Variants in NEBL observed in about 807,000 individuals in gnomAD.
NEBL encodes nebulette.
Under a neutral mutation model 140.2 loss-of-function variants are expected in NEBL, and 122 were observed. The observed-to-expected ratio is 0.87, with a 90% confidence interval of 0.75 to 1.01. The LOEUF (loss-of-function observed/expected upper bound fraction) is 1.01, where lower values mean the gene tolerates loss of function less well. Ranked by LOEUF, NEBL falls within the 50% of genes least tolerant of loss-of-function variation. The pLI, the probability that NEBL is intolerant of heterozygous loss-of-function variation, is 0.00. For synonymous variants in NEBL, 436 were observed against 398.9 expected (o/e 1.09, Z -1.11); for missense variants, 1,365 against 1,231.3 (o/e 1.11, Z -1.62).
rs936437154 is a variant in NEBL, at chr10:20,784,550, G to C, written c.*1197C>G. The C allele has an allele frequency of 6.6e-6, 1 of 152,118 alleles. No homozygotes were observed. Among genetic ancestry groups the C allele is most frequent in the African/African-American group, 2.4e-5 (1 of 41,420 alleles). 9.4% of individuals were successfully genotyped at this position (152,118 alleles called of 1,614,324 possible). ...TTTGATTAACCCGTTTTGGTGGCTA[G>C]ATTTCCATTCCAGAATTTGAATACC... On this transcript the variant is annotated 3_prime_UTR_variant, in exon 28 of 28. Transcript: ENST00000377122.
rs1589324103 is a variant in NEBL at position 21,194,480 on chromosome 10, T to G, written n.349-22003A>C. The stretch of plus-strand genomic sequence containing the variant: ...GAACTAATTACTAATTTTTATGACC[T>G]CAAGTTCAATAACTGATCACCTTTA... On this transcript the variant is annotated intron_variant and non_coding_transcript_variant, in intron 3 of 8. Coordinates refer to the NEBL transcript ENST00000675702. Among the ~76,000 whole-genome samples the G allele has an allele frequency of 2.0e-5, 3 of 152,192 alleles. No individual in the cohort carries two copies. The East Asian group carries it at 5.8e-4, about 29-fold the overall frequency.
At chr10:20,878,593 C>A (rs2131302072) in intron 5 of NEBL, among the ~76,000 whole-genome samples, 1 of 152,264 alleles carries the variant, frequency 6.6e-6, no homozygotes, top group East Asian at 1.9e-4. Flanking sequence ...GTAGGGACAA[C>A]AAATGTATTA....
At chr10:21,178,744 C>T (rs1171647291), upstream of NEBL, among the ~76,000 whole-genome samples, 1 of 152,140 alleles carries the variant, frequency 6.6e-6, no homozygotes, top group East Asian at 1.9e-4. Flanking sequence ...AAATAAGTCC[C>T]AAACTTCCAA....
chr10:21,089,755 T>C (rs1050757574), intron 2 of NEBL, among the ~76,000 whole-genome samples: 1 of 152,108 alleles, frequency 6.6e-6, no homozygotes, highest in Non-Finnish European at 1.5e-5. Context: ...CTTTTCTCCC[T>C]CCTTCCCCTG....
chr10:21,193,121 C>G (rs1204133907), intron 3 of NEBL, among the ~76,000 whole-genome samples: 2 of 151,916 alleles, frequency 1.3e-5, no homozygotes, highest in African/African-American at 4.8e-5. Context: ...CCAATGCTCC[C>G]AGGATGTAGC....
chr10:21,065,809 C>G (rs1233807355), intron 2 of NEBL, among the ~76,000 whole-genome samples: 2 of 152,174 alleles, frequency 1.3e-5, no homozygotes, highest in Non-Finnish European at 2.9e-5. Context: ...CCTATCACTC[C>G]ATCTGGCACA....
At chr10:21,190,157 G>C (rs543762899) in intron 3 of NEBL, among the ~76,000 whole-genome samples, 53 of 152,262 alleles carry the variant, frequency 3.5e-4, no homozygotes, top group African/African-American at 1.2e-3. Context: ...TCAATATGTG[G>C]TTATTAATTG....
chr10:20,823,122 G>T, intron 19 of NEBL, 86 bp downstream of exon 19: 1 of 974,832 alleles, frequency 1.0e-6, no homozygotes, highest in Non-Finnish European at 1.6e-6. Flanking sequence ...TCATTGTGAT[G>T]GCATTTGACC....
chr10:21,210,549 G>C (rs1045579850), intron 3 of NEBL, among the ~76,000 whole-genome samples: 1 of 152,154 alleles, frequency 6.6e-6, no homozygotes, highest in Non-Finnish European at 1.5e-5. Flanking sequence ...TTTTTAAGGA[G>C]GAATATGTAT....
rs577395880 is a variant in NEBL at position 21,041,513 on chromosome 10, CT to C, written c.165-21313del. Among the ~76,000 whole-genome samples the C allele has an allele frequency of 1.1e-4, 17 of 152,184 alleles. 1 individual carries two copies. The East Asian group carries it at 2.3e-3, about 21-fold the overall frequency. ...GAGTTTTGACCTGAGAGAGAAATTGCTTTTACTAAAAACAAGCAATAACAGA... is the reference window on the plus strand; with the variant it reads ...GAGTTTTGACCTGAGAGAGAAATTGCTTTACTAAAAACAAGCAATAACAGA... On this transcript the variant is annotated intron_variant, in intron 2 of 6. Coordinates refer to the NEBL transcript ENST00000417816.
chr10:21,047,767 T>C (rs1834586386), intron 2 of NEBL, among the ~76,000 whole-genome samples: 1 of 152,180 alleles, frequency 6.6e-6, no homozygotes, highest in Non-Finnish European at 1.5e-5. Flanking sequence ...TTTGACCAAA[T>C]CACTTCATCT....
chr10:20,813,286 T>C (rs1838356449), intron 23 of NEBL, among the ~76,000 whole-genome samples: 1 of 151,890 alleles, frequency 6.6e-6, no homozygotes, highest in Admixed American at 6.6e-5. Context: ...ATTTCCTATC[T>C]CTTCAACTTC....
chr10:21,194,585 C>A (rs747273055), intron 3 of NEBL, among the ~76,000 whole-genome samples: 4 of 151,992 alleles, frequency 2.6e-5, no homozygotes, highest in Non-Finnish European at 4.4e-5. Context: ...GGAAGGGCAC[C>A]TTTTTCTAAG....
At chr10:20,815,301 AT>A (rs1838615234) in intron 22 of NEBL, among the ~76,000 whole-genome samples, 1 of 152,182 alleles carries the variant, frequency 6.6e-6, no homozygotes, top group Admixed American at 6.5e-5. Context: ...GAAAATGACA[AT>A]TATTTAACGC....
rs551980542 is a variant in NEBL, at chr10:20,920,292, T to A, written c.357+41380A>T. Among the ~76,000 whole-genome samples, 165 of 152,300 alleles carry A rather than the reference T, an allele frequency of 1.1e-3. 2 individuals carry two copies. Among genetic ancestry groups the A allele is most frequent in the African/African-American group, 3.9e-3 (161 of 41,568 alleles). ...CTTTTTAACCCATCAGTCACTCTTA[T>A]AACAACCAACCCTCAGGGGTACTGG... On this transcript the variant is annotated intron_variant, in intron 4 of 6. Transcript: ENST00000417816.
rs184982640 is a variant in NEBL at position 21,278,040 on chromosome 10, G to A, written n.182+14790C>T. 1.7e-3 allele frequency among the ~76,000 whole-genome samples: 258 copies of A among 152,334 alleles called. 2 individuals carry two copies. The highest frequency in any genetic ancestry group is 3.1e-3 in the Non-Finnish European group (208 of 68,026). Reference sequence around the variant, plus strand: ...AGTAAGTGCTCAGTAAATTTTAGCTGCTACTATTACTACTAACAACATGTG... The same window carrying A: ...AGTAAGTGCTCAGTAAATTTTAGCTACTACTATTACTACTAACAACATGTG... On this transcript the variant is annotated intron_variant and non_coding_transcript_variant, in intron 1 of 8. Transcript: ENST00000675702.
intron 1 of NEBL, among the ~76,000 whole-genome samples, chr10:21,291,278 G>C (rs1158652967): frequency 6.6e-6 from 1 of 152,012 alleles, no homozygotes; most frequent in Non-Finnish European, 1.5e-5. Context: ...GGCCAAGGCA[G>C]GCAGATCACT....
rs1473442670 is a variant in NEBL at position 21,038,221 on chromosome 10, T to G, written c.165-18020A>C. Among the ~76,000 whole-genome samples, 3 of 152,198 alleles carry G rather than the reference T, an allele frequency of 2.0e-5. No homozygotes were observed. The East Asian group carries it at 5.8e-4, about 29-fold the overall frequency. ...TCCATATATTTTTTTTATTTTAAGTTCTGGGATAGATGTGCAGAACATGCA... is the reference window on the plus strand; with the variant it reads ...TCCATATATTTTTTTTATTTTAAGTGCTGGGATAGATGTGCAGAACATGCA... On this transcript the variant is annotated intron_variant, in intron 2 of 6. Coordinates refer to the NEBL transcript ENST00000417816.
chr10:20,945,547 C>T (rs1835113341), intron 4 of NEBL, among the ~76,000 whole-genome samples: 1 of 152,140 alleles, frequency 6.6e-6, no homozygotes, highest in African/African-American at 2.4e-5. Flanking sequence ...AAATGCAAAG[C>T]CTTCTTATAT....
Sources: gnomAD v4.1 joint callset for allele counts (sites outside exome capture counted in the v4.1 genomes callset) on GRCh38, gnomAD v4.1.1 for gene constraint, MANE v1.5 for transcripts, NCBI Gene and HGNC (gene_info 2026-07-23, HGNC 2026-07-21) for gene names.